DNAAF4: variants seen among roughly 807,000 people sequenced by gnomAD.
DNAAF4 encodes the protein dynein assembly factor 4, axonemal.
In DNAAF4, 43 loss-of-function variants were observed where a neutral mutation model predicts 51.8. The observed-to-expected ratio is 0.83, with a 90% CI of 0.65 to 1.07. The LOEUF is 1.07. Among genes scored for constraint, DNAAF4 ranks in the 50% least tolerant of loss-of-function variants. The probability of loss-of-function intolerance (pLI) is 0.00; values close to 1 mark genes in which losing one functional copy is unlikely to be tolerated. For synonymous variants in DNAAF4, 194 were observed against 165.6 expected, an observed-to-expected ratio of 1.17 and a Z score of -1.32; for missense variants, 581 against 493.0, an observed-to-expected ratio of 1.18 and a Z score of -1.69.
At chr15:55,480,714 C>T (rs1319894991) in intron 4 of DNAAF4, among the ~76,000 whole-genome samples, 1 of 151,730 alleles carries the variant, frequency 6.6e-6, no homozygotes, top group Non-Finnish European at 1.5e-5. Context: ...CTTCCAACTT[C>T]TCTATCCTAT....
At chr15:55,459,708 TTC>T (rs1461222860) in intron 5 of DNAAF4, among the ~76,000 whole-genome samples, 3 of 135,864 alleles carry the variant, frequency 2.2e-5, no homozygotes, top group African/African-American at 1.1e-4. Context: ...CTTTCTTTCT[TTC>T]TTTTTTTTTT....
chr15:55,464,515 C>A (rs12591248), intron 5 of DNAAF4, among the ~76,000 whole-genome samples: 7,607 of 152,270 alleles, frequency 0.05, 266 homozygotes, highest in East Asian at 0.15. Flanking sequence ...AGTAAACAGA[C>A]AACCCACAGA....
chr15:55,498,228 G>A lies in DNAAF4; in HGVS notation c.102C>T (p.Phe34=), dbSNP rs377201923. ...TTACCTTCAGATAGTTTTCCGTGCAGAACACGTCCGTGTCTCTGACGCACA... is the reference window on the plus strand; with the variant it reads ...TTACCTTCAGATAGTTTTCCGTGCAAAACACGTCCGTGTCTCTGACGCACA... ...KGVCVRDTDV[F]CTENYLKVNF... is the part of the protein sequence containing the mutation. The change falls in exon 2 of 10, where the codon TTC becomes TTT. Residue 34 remains phenylalanine (F), a synonymous_variant. Transcript: ENST00000321149. 136 of 1,613,860 alleles carry A rather than the reference G, an allele frequency of 8.4e-5. No individual in the cohort carries two copies. The highest frequency in any genetic ancestry group is 2.2e-4 in the Admixed American group (13 of 59,982).
At position 55,443,281 on chromosome 15, in the gene DNAAF4, G is replaced by A. The variant is rs564881720; in HGVS notation, c.784-3700C>T. ...CAGCGCGGGTTGCGGCTCACTACCC[G>A]GCAGGCGCCTGCCTACCGGTGGCGG... On this transcript the variant is annotated intron_variant, in intron 6 of 9. Transcript: ENST00000321149. 595 of 1,521,414 alleles carry A rather than the reference G, an allele frequency of 3.9e-4. 2 individuals are homozygous for A. In the African/African-American group the frequency reaches 6.6e-3, roughly 17 times the overall value. 94.2% of individuals were successfully genotyped at this position (1,521,414 alleles called of 1,614,324 possible).
At chr15:55,489,876 T>A (rs1240325446) in intron 4 of DNAAF4, among the ~76,000 whole-genome samples, 2 of 128,324 alleles carry the variant, frequency 1.6e-5, no homozygotes, top group East Asian at 4.2e-4. Context: ...AGATAAGAAG[T>A]TTTTTTTTTT....
At chr15:55,422,971 T>C (rs1487959348) in intron 7 of DNAAF4, among the ~76,000 whole-genome samples, 3 of 151,910 alleles carry the variant, frequency 2.0e-5, no homozygotes, top group African/African-American at 7.3e-5. Flanking sequence ...CACTCCAGCC[T>C]GGGTGACAAG....
chr15:55,444,900 T>A (rs559252122), intron 6 of DNAAF4, among the ~76,000 whole-genome samples: 1 of 152,292 alleles, frequency 6.6e-6, no homozygotes, highest in African/African-American at 2.4e-5. Context: ...TGATTTTGTA[T>A]CCTGAGACTT....
At chr15:55,493,972 G>A (rs1334842628) in intron 3 of DNAAF4, among the ~76,000 whole-genome samples, 1 of 150,754 alleles carries the variant, frequency 6.6e-6, no homozygotes, top group East Asian at 1.9e-4. Context: ...CTAAAGTGCT[G>A]AGATTACTTT....
intron 5 of DNAAF4, among the ~76,000 whole-genome samples, chr15:55,463,009 TA>T (rs901882965): frequency 1.3e-5 from 2 of 152,092 alleles, no homozygotes; most frequent in Non-Finnish European, 2.9e-5. Context: ...CTGTCTCTAC[TA>T]AAAAATACAA....
chr15:55,480,945 C>T (rs929223933), intron 4 of DNAAF4, among the ~76,000 whole-genome samples: 1 of 152,034 alleles, frequency 6.6e-6, no homozygotes, highest in Non-Finnish European at 1.5e-5. Flanking sequence ...GGGGCAGTTT[C>T]CCCCATGATG....
chr15:55,473,199 ATATAT>A (rs528094876), intron 4 of DNAAF4, among the ~76,000 whole-genome samples: 4 of 20,898 alleles, frequency 1.9e-4, no homozygotes, highest in African/African-American at 3.1e-4. Flanking sequence ...AAAAAAAAAA[ATATAT>A]ATATATATAT....
At chr15:55,491,711 T>C (rs2058575293) in intron 3 of DNAAF4, among the ~76,000 whole-genome samples, 1 of 139,254 alleles carries the variant, frequency 7.2e-6, no homozygotes, top group Non-Finnish European at 1.5e-5. Flanking sequence ...TATATACTAT[T>C]ATTATATAAT....
At chr15:55,498,855 G>A (rs1463955714) in intron 1 of DNAAF4, among the ~76,000 whole-genome samples, 1 of 148,938 alleles carries the variant, frequency 6.7e-6, no homozygotes, top group Non-Finnish European at 1.5e-5. Context: ...GGGTCGCAGT[G>A]AGCCGAAATC....
intron 5 of DNAAF4, among the ~76,000 whole-genome samples, chr15:55,454,025 G>T (rs1273855024): frequency 2.0e-5 from 3 of 152,066 alleles, no homozygotes; most frequent in African/African-American, 7.2e-5. Flanking sequence ...AGTTGGCCAG[G>T]TATGGTGGCT....
intron 6 of DNAAF4, among the ~76,000 whole-genome samples, chr15:55,441,727 T>C (rs1015938159): frequency 6.6e-6 from 1 of 152,136 alleles, no homozygotes; most frequent in East Asian, 1.9e-4. Context: ...TCCATGTCCC[T>C]ACAAAGGACA....
chr15:55,427,573 T>C (rs920011072), downstream of DNAAF4, among the ~76,000 whole-genome samples: 3 of 152,168 alleles, frequency 2.0e-5, no homozygotes, highest in Non-Finnish European at 4.4e-5. Flanking sequence ...CTGCAAAATA[T>C]TGTAAACACT....
intron 4 of DNAAF4, among the ~76,000 whole-genome samples, chr15:55,482,533 G>T (rs2058426482): frequency 1.3e-5 from 2 of 152,054 alleles, no homozygotes; most frequent in African/African-American, 2.4e-5. Flanking sequence ...CAAAAAACGA[G>T]CTGGGCATGG....
At chr15:55,437,121 T>C (rs535781321) in intron 7 of DNAAF4, among the ~76,000 whole-genome samples, 1 of 152,332 alleles carries the variant, frequency 6.6e-6, no homozygotes, top group South Asian at 2.1e-4. Flanking sequence ...CTGGCTCTAT[T>C]ACCTTGTTCT....
chr15:55,486,643 G>A (rs1047850125), intron 4 of DNAAF4, among the ~76,000 whole-genome samples: 2 of 152,038 alleles, frequency 1.3e-5, no homozygotes, highest in Non-Finnish European at 2.9e-5. Context: ...AATTAGCAGG[G>A]CATGGTGGCA....
Sources: gnomAD v4.1 joint callset for allele counts (sites outside exome capture counted in the v4.1 genomes callset) on GRCh38, gnomAD v4.1.1 for gene constraint, MANE v1.5 for transcripts, NCBI Gene and HGNC (gene_info 2026-07-23, HGNC 2026-07-21) for gene names.